Variants in RSU1 observed in about 807,000 individuals in gnomAD.
RSU1 encodes the protein rsu-1.
RSU1 carries 26 observed loss-of-function variants against 31.1 expected under a neutral mutation model. The ratio of observed to expected loss-of-function variants is 0.84; its 90% CI spans 0.61 to 1.16. The LOEUF is 1.16. Ranked by LOEUF, RSU1 falls within the 50% of genes most tolerant of loss-of-function variation. RSU1 has a pLI of 0.00. For synonymous variants in RSU1, 164 were observed against 136.3 expected, an observed-to-expected ratio of 1.20 and a Z score of -1.41; for missense variants, 320 against 339.1, an observed-to-expected ratio of 0.94 and a Z score of 0.44.
chr10:16,720,988 C>A (rs181138023), intron 7 of RSU1, among the ~76,000 whole-genome samples: 2 of 152,064 alleles, frequency 1.3e-5, no homozygotes, highest in East Asian at 1.9e-4. Context: ...CCCTATCTCA[C>A]ATAAATAAAT....
intron 8 of RSU1, among the ~76,000 whole-genome samples, chr10:16,595,859 C>T (rs1480613617): frequency 6.6e-6 from 1 of 152,082 alleles, no homozygotes; most frequent in Non-Finnish European, 1.5e-5. Flanking sequence ...GTCCCAGCTA[C>T]TCAGGAGGCT....
chr10:16,743,644 C>A (rs1233548330), intron 7 of RSU1, among the ~76,000 whole-genome samples: 1 of 152,136 alleles, frequency 6.6e-6, no homozygotes, highest in Admixed American at 6.6e-5. Context: ...TAAGCTAGAC[C>A]TTCTTTTCAT....
intron 2 of RSU1, among the ~76,000 whole-genome samples, chr10:16,787,460 T>TC (rs1837814612): frequency 1.3e-5 from 2 of 151,944 alleles, no homozygotes; most frequent in Admixed American, 1.3e-4. Flanking sequence ...GCGCCAATGC[T>TC]CCCCCGCAGG....
intron 8 of RSU1, among the ~76,000 whole-genome samples, chr10:16,633,305 A>T (rs1263057574): frequency 6.6e-6 from 1 of 152,214 alleles, no homozygotes; most frequent in African/African-American, 2.4e-5. Flanking sequence ...TCAGCCGAAC[A>T]TGGGAAACGA....
At chr10:16,645,330 CA>C (rs1461806078) in intron 8 of RSU1, among the ~76,000 whole-genome samples, 1 of 152,012 alleles carries the variant, frequency 6.6e-6, no homozygotes, top group Non-Finnish European at 1.5e-5. Flanking sequence ...GCATGTTTCC[CA>C]AAAGCTCATC....
chr10:16,757,036 T>TG (rs1837104513), intron 4 of RSU1, among the ~76,000 whole-genome samples: 1 of 148,814 alleles, frequency 6.7e-6, no homozygotes, highest in Non-Finnish European at 1.5e-5. Flanking sequence ...GCAGTGTGTG[T>TG]GTGGTGTGTG....
chr10:16,799,995 C>T (rs181181443), intron 2 of RSU1, among the ~76,000 whole-genome samples: 4 of 151,984 alleles, frequency 2.6e-5, no homozygotes, highest in African/African-American at 4.8e-5. Flanking sequence ...TACGGAATTA[C>T]GGCAGAAGTT....
chr10:16,674,905 C>T (rs113479673), intron 8 of RSU1, among the ~76,000 whole-genome samples: 4 of 152,008 alleles, frequency 2.6e-5, no homozygotes, highest in Non-Finnish European at 4.4e-5. Context: ...TGGTGGCACA[C>T]GCCTGTAATC....
intron 7 of RSU1, among the ~76,000 whole-genome samples, chr10:16,746,590 G>A (rs187886421): frequency 2.0e-5 from 3 of 151,704 alleles, no homozygotes; most frequent in Non-Finnish European, 2.9e-5. Flanking sequence ...CGGTCTCATC[G>A]GCAGGTGAGA....
chr10:16,752,929 T>C lies in RSU1; in HGVS notation c.472A>G (p.Lys158Glu). The C allele has an allele frequency of 6.2e-7, 1 of 1,613,870 alleles. No individual in the cohort carries two copies. The highest frequency in any genetic ancestry group is 8.5e-7 in the Non-Finnish European group (1 of 1,179,752). The change falls in exon 6 of 9, where the codon AAG becomes GAG. Residue 158 changes from lysine to glutamate, a missense_variant. Transcript: ENST00000345264. ...GATAAATTACTTACTATCTGCAACTTTGTGAGCTTCCCAATATCTGGCGGC... is the reference window on the plus strand; with the variant it reads ...GATAAATTACTTACTATCTGCAACTCTGTGAGCTTCCCAATATCTGGCGGC... ...ILPPDIGKLT[K>E]LQILSLRDND...
chr10:16,688,922 T>A (rs1835490593), intron 8 of RSU1, among the ~76,000 whole-genome samples: 1 of 151,836 alleles, frequency 6.6e-6, no homozygotes, highest in African/African-American at 2.4e-5. Flanking sequence ...GCAGGGGGAT[T>A]GCTTGAGCCC....
chr10:16,678,917 G>A (rs187824208), intron 8 of RSU1, among the ~76,000 whole-genome samples: 2 of 151,710 alleles, frequency 1.3e-5, no homozygotes, highest in African/African-American at 2.4e-5. Flanking sequence ...AGGCAGACAA[G>A]TGAATCACAG....
chr10:16,614,032 A>G (rs1833936217), intron 8 of RSU1, among the ~76,000 whole-genome samples: 1 of 152,186 alleles, frequency 6.6e-6, no homozygotes, highest in African/African-American at 2.4e-5. Flanking sequence ...CGCCAGAAAA[A>G]TAAAAGTTCA....
At chr10:16,773,762 T>C (rs1837472126) in intron 3 of RSU1, among the ~76,000 whole-genome samples, 1 of 152,198 alleles carries the variant, frequency 6.6e-6, no homozygotes, top group African/African-American at 2.4e-5. Flanking sequence ...CTTGTATTTC[T>C]TTCCACACAG....
intron 2 of RSU1, among the ~76,000 whole-genome samples, chr10:16,799,843 G>A (rs921374374): frequency 1.3e-5 from 2 of 152,172 alleles, no homozygotes; most frequent in African/African-American, 4.8e-5. Context: ...CCGGGGGCGG[G>A]GAGGGGATGC....
In RSU1 at chr10:16,772,665, GA is replaced by G. The variant is rs202124195; in HGVS notation, c.161-8156del. Among the ~76,000 whole-genome samples the G allele has an allele frequency of 8.4e-3, 934 of 111,660 alleles. 13 individuals carry two copies. The highest frequency in any genetic ancestry group is 0.035 in the African/African-American group (887 of 25,494). 73.3% of individuals were successfully genotyped at this position (111,660 alleles called of 152,430 possible). On this transcript the variant is annotated intron_variant, in intron 3 of 8. Coordinates refer to ENST00000345264, the MANE Select transcript of RSU1 (RefSeq NM_012425.4). ...TGAAAAAAAAAAAAAAAAAAAACAAGAAAAAAAAACTTCAATCCATCAATGG... is the reference window on the plus strand; with the variant it reads ...TGAAAAAAAAAAAAAAAAAAAACAAGAAAAAAAACTTCAATCCATCAATGG...
intron 7 of RSU1, among the ~76,000 whole-genome samples, chr10:16,725,692 C>A (rs1239385029): frequency 1.3e-5 from 2 of 151,534 alleles, no homozygotes; most frequent in African/African-American, 4.9e-5. Flanking sequence ...TGGAATGCAG[C>A]CCTCGCCAGA....
chr10:16,620,905 C>G (rs954557941), intron 8 of RSU1, among the ~76,000 whole-genome samples: 12 of 152,006 alleles, frequency 7.9e-5, no homozygotes, highest in African/African-American at 2.9e-4. Flanking sequence ...ATTCCTCCCT[C>G]TCTTCTTTCC....
intron 8 of RSU1, among the ~76,000 whole-genome samples, chr10:16,607,874 GTT>G (rs1428329552): frequency 2.0e-5 from 3 of 152,158 alleles, no homozygotes; most frequent in Admixed American, 2.0e-4. Flanking sequence ...ATTATCGTGA[GTT>G]TTTTTGAGAC....
Sources: gnomAD v4.1 joint callset for allele counts (sites outside exome capture counted in the v4.1 genomes callset) on GRCh38, gnomAD v4.1.1 for gene constraint, MANE v1.5 for transcripts, NCBI Gene and HGNC (gene_info 2026-07-23, HGNC 2026-07-21) for gene names.